Variants in PATJ observed in about 807,000 individuals in gnomAD.
PATJ encodes PATJ crumbs cell polarity complex component, also known as inaD-like protein.
In PATJ, 190 loss-of-function variants were observed where a neutral mutation model predicts 224.9. That is an observed-to-expected ratio of 0.84 (90% confidence interval 0.75 to 0.95). PATJ has a LOEUF of 0.95. Among genes scored for constraint, PATJ ranks in the 40% least tolerant of loss-of-function variants. The pLI, the probability that PATJ is intolerant of heterozygous loss-of-function variation, is 0.00. For missense variants in PATJ, 2,121 were observed against 2,270.3 expected (o/e 0.93, Z 1.34); for synonymous variants, 769 against 820.3 (o/e 0.94, Z 1.07).
At chr1:61,956,081 T>G (rs1680405792) in intron 27 of PATJ, among the ~76,000 whole-genome samples, 1 of 152,160 alleles carries the variant, frequency 6.6e-6, no homozygotes, top group Non-Finnish European at 1.5e-5. Context: ...AAATACAGTA[T>G]CAGAGGCATG....
chr1:62,052,822 C>T (rs1570347087), intron 31 of PATJ, among the ~76,000 whole-genome samples: 1 of 151,852 alleles, frequency 6.6e-6, no homozygotes, highest in Non-Finnish European at 1.5e-5. Context: ...TGCATTTTTG[C>T]ACTACAGGGA....
chr1:62,040,253 C>T (rs1402063297), intron 30 of PATJ, among the ~76,000 whole-genome samples: 5 of 151,892 alleles, frequency 3.3e-5, no homozygotes, highest in African/African-American at 7.2e-5. Context: ...GGATTACAGG[C>T]GCACACTACC....
chr1:61,874,071 A>G (rs1036612661), intron 20 of PATJ, among the ~76,000 whole-genome samples: 17 of 152,166 alleles, frequency 1.1e-4, no homozygotes, highest in African/African-American at 4.1e-4. Context: ...TTAAGGAGCA[A>G]AAATTCTGCA....
intron 27 of PATJ, among the ~76,000 whole-genome samples, chr1:61,957,484 G>T (rs974513913): frequency 4.0e-5 from 6 of 151,720 alleles, no homozygotes; most frequent in African/African-American, 1.5e-4. Flanking sequence ...TACTTTAATT[G>T]AGCAGTTCAT....
In PATJ at chr1:62,017,943, A is replaced by G; in HGVS notation, c.3955A>G (p.Ile1319Val). ...TAPSKVKLVF[I>V]RNEDAVNQMA... ...CCCATCAAAGGTCAAGCTGGTTTTC[A>G]TCAGGTAAGATTGCTAGATCTGGTT... Residue 1319 changes from isoleucine (I) to valine (V), a missense_variant, in exon 29 of 44, where the codon ATC becomes GTC. By Grantham distance (29) the Ile-to-Val change is conservative (BLOSUM62 3). Transcript: ENST00000642238. The G allele has an allele frequency of 6.3e-7, 1 of 1,594,510 alleles. No individual in the cohort carries two copies. Among genetic ancestry groups the G allele is most frequent in the Non-Finnish European group, 8.6e-7 (1 of 1,162,056 alleles).
chr1:62,092,726 T>TTTTTTTTA (rs1553264617), intron 33 of PATJ, among the ~76,000 whole-genome samples: 4 of 150,830 alleles, frequency 2.7e-5, no homozygotes, highest in African/African-American at 4.9e-5. Context: ...AGAAAACGAC[T>TTTTTTTTA]TTTATTTATT....
At chr1:62,062,767 G>A (rs760010400) in intron 31 of PATJ, among the ~76,000 whole-genome samples, 2 of 152,154 alleles carry the variant, frequency 1.3e-5, no homozygotes, top group Non-Finnish European at 2.9e-5. Context: ...AAAGTGCAGA[G>A]ATGACAGGCA....
At chr1:61,786,922 G>A (rs1196485747) in intron 7 of PATJ, among the ~76,000 whole-genome samples, 1 of 152,114 alleles carries the variant, frequency 6.6e-6, no homozygotes, top group African/African-American at 2.4e-5. Context: ...GGAGGCGGAG[G>A]TTGCAGTGAG....
chr1:62,071,818 G>A (rs1179462180), intron 31 of PATJ, among the ~76,000 whole-genome samples: 1 of 152,116 alleles, frequency 6.6e-6, no homozygotes, highest in African/African-American at 2.4e-5. Context: ...TGAAGAGCTA[G>A]GATCACAGAC....
intron 14 of PATJ, among the ~76,000 whole-genome samples, chr1:61,816,827 T>C (rs1306953184): frequency 6.6e-6 from 1 of 152,154 alleles, no homozygotes; most frequent in Non-Finnish European, 1.5e-5. Flanking sequence ...GTAGCAGTGG[T>C]TACCTAGTAG....
At chr1:62,097,276 G>C (rs1200232913) in intron 33 of PATJ, among the ~76,000 whole-genome samples, 1 of 151,652 alleles carries the variant, frequency 6.6e-6, no homozygotes, top group African/African-American at 2.4e-5. Context: ...AGAATCTGTG[G>C]TACATTGAAA....
intron 4 of PATJ, among the ~76,000 whole-genome samples, chr1:61,768,005 T>G (rs189720090): frequency 6.6e-5 from 10 of 152,132 alleles, no homozygotes. Context: ...GTAATTATTT[T>G]TATGTGGTGC....
At position 61,797,365 on chromosome 1, in the gene PATJ, C is replaced by G. The variant is rs1324260323; in HGVS notation, c.1339C>G (p.Leu447Val). The G allele has an allele frequency of 6.2e-7, 1 of 1,613,946 alleles. No homozygotes were observed. The highest frequency in any genetic ancestry group is 8.5e-7 in the Non-Finnish European group (1 of 1,179,830). ...VLRNAGQVVH[L>V]TLVRRKTSSS... ...ACGAAATGCAGGGCAGGTGGTACAC[C>G]TAACCCTAGTTCGAAGGAAGACATC... is the stretch of plus-strand genomic sequence containing the variant. The change falls in exon 11 of 44, where the codon CTA becomes GTA. Residue 447 changes from leucine (L) to valine (V), a missense_variant. Physicochemically the swap from Leu to Val is conservative, Grantham distance 32 (BLOSUM62 1). Transcript: ENST00000642238.
intron 27 of PATJ, among the ~76,000 whole-genome samples, chr1:61,975,046 G>C (rs1010566547): frequency 4.6e-5 from 7 of 151,990 alleles, no homozygotes; most frequent in African/African-American, 1.7e-4. Context: ...TTGGGTTCAG[G>C]CAATCCTCCC....
chr1:62,034,015 C>A (rs956242810), intron 29 of PATJ, among the ~76,000 whole-genome samples: 1 of 152,180 alleles, frequency 6.6e-6, no homozygotes, highest in African/African-American at 2.4e-5. Flanking sequence ...TCACCCTTAT[C>A]TGTGGGAAAA....
intron 14 of PATJ, among the ~76,000 whole-genome samples, chr1:61,810,778 G>A (rs1654596139): frequency 6.6e-6 from 1 of 151,880 alleles, no homozygotes; most frequent in African/African-American, 2.4e-5. Flanking sequence ...AAAAAAATTA[G>A]CCGGGCGTGG....
chr1:62,111,220 C>G (rs942178152), intron 34 of PATJ, among the ~76,000 whole-genome samples: 2 of 152,180 alleles, frequency 1.3e-5, no homozygotes, highest in African/African-American at 2.4e-5. Context: ...ATAGAGGTAA[C>G]TGGGTTTTTT....
intron 31 of PATJ, chr1:62,073,347 G>T: frequency 1.0e-6 from 1 of 984,736 alleles, no homozygotes; most frequent in Non-Finnish European, 1.2e-6. Context: ...CCCTGGCTGG[G>T]CATGGTGGCT....
intron 27 of PATJ, among the ~76,000 whole-genome samples, chr1:61,943,829 C>T (rs1317895487): frequency 1.3e-5 from 2 of 152,154 alleles, no homozygotes; most frequent in Admixed American, 6.6e-5. Context: ...CTGGGAGGCA[C>T]CTCCCAGTAG....
Sources: allele counts gnomAD v4.1 joint callset (sites outside exome capture counted in the v4.1 genomes callset), GRCh38; gene constraint gnomAD v4.1.1; transcripts MANE v1.5; gene names NCBI Gene and HGNC (gene_info 2026-07-23, HGNC 2026-07-21).